Variants in PKN2 observed in about 807,000 individuals in gnomAD.
The protein encoded by PKN2 is serine/threonine-protein kinase N2.
A neutral mutation model predicts 119.1 loss-of-function variants in PKN2; 38 were observed. That is an observed-to-expected ratio of 0.32 (90% confidence interval 0.25 to 0.42). PKN2 has a LOEUF of 0.42. Among genes scored for constraint, PKN2 ranks in the 10% least tolerant of loss-of-function variants. The pLI is 1.00. For missense variants in PKN2, 850 were observed against 1,165.1 expected (o/e 0.73, Z 3.94); for synonymous variants, 390 against 384.9 (o/e 1.01, Z -0.15).
chr1:88,759,825 A>G (rs1669366367), intron 2 of PKN2, among the ~76,000 whole-genome samples: 2 of 152,212 alleles, frequency 1.3e-5, no homozygotes, highest in African/African-American at 4.8e-5. Context: ...AGGAAGAAAT[A>G]GAACCCCTGA....
chr1:88,701,293 A>C (rs1666759750), intron 1 of PKN2, among the ~76,000 whole-genome samples: 1 of 152,154 alleles, frequency 6.6e-6, no homozygotes, highest in Admixed American at 6.5e-5. Context: ...AAAATACAAA[A>C]ATTAGCCTGG....
intron 17 of PKN2, 115 bp downstream of exon 17, chr1:88,822,118 T>C (rs1184171528): frequency 3.1e-6 from 3 of 960,938 alleles, no homozygotes; most frequent in Non-Finnish European, 4.3e-6. Flanking sequence ...GTTTTCTCCT[T>C]CACCTGTAAG....
At chr1:88,740,550 G>C (rs1034118593) in intron 1 of PKN2, among the ~76,000 whole-genome samples, 2 of 152,014 alleles carry the variant, frequency 1.3e-5, no homozygotes, top group Non-Finnish European at 2.9e-5. Context: ...TACAATATTT[G>C]TGAATTATCA....
intron 1 of PKN2, among the ~76,000 whole-genome samples, chr1:88,701,361 G>A (rs797007190): frequency 1.3e-5 from 2 of 152,260 alleles, no homozygotes; most frequent in African/African-American, 4.8e-5. Flanking sequence ...TTTACAGCTT[G>A]AGAGCTATAC....
At chr1:88,724,038 A>G (rs893566839) in intron 1 of PKN2, among the ~76,000 whole-genome samples, 15 of 152,166 alleles carry the variant, frequency 9.9e-5, no homozygotes, top group African/African-American at 3.6e-4. Flanking sequence ...TTTGAGAGAG[A>G]AGGAGATACT....
intron 1 of PKN2, among the ~76,000 whole-genome samples, chr1:88,716,803 T>A (rs1667475683): frequency 6.6e-6 from 1 of 152,196 alleles, no homozygotes; most frequent in Admixed American, 6.5e-5. Flanking sequence ...CATTTAAGGT[T>A]AATATTGTTA....
chr1:88,781,516 A>G (rs926552688), intron 6 of PKN2, among the ~76,000 whole-genome samples: 1 of 152,056 alleles, frequency 6.6e-6, no homozygotes, highest in Non-Finnish European at 1.5e-5. Flanking sequence ...GAATACCAAC[A>G]TTTACTTCTT....
chr1:88,694,337 C>T (rs1233731159), intron 1 of PKN2, among the ~76,000 whole-genome samples: 1 of 152,156 alleles, frequency 6.6e-6, no homozygotes, highest in Non-Finnish European at 1.5e-5. Flanking sequence ...CATAGTTGTG[C>T]GTTTGGGAAA....
At chr1:88,732,882 G>A (rs974918726) in intron 1 of PKN2, among the ~76,000 whole-genome samples, 2 of 152,026 alleles carry the variant, frequency 1.3e-5, no homozygotes, top group Non-Finnish European at 2.9e-5. Flanking sequence ...TGTACCTAGA[G>A]GACACTAAGC....
At chr1:88,722,330 C>T (rs1042394908) in intron 1 of PKN2, among the ~76,000 whole-genome samples, 21 of 152,074 alleles carry the variant, frequency 1.4e-4, no homozygotes, top group African/African-American at 5.1e-4. Flanking sequence ...GACTGAAAGC[C>T]CTTTCCATAT....
intron 2 of PKN2, among the ~76,000 whole-genome samples, chr1:88,743,252 T>C (rs753454299): frequency 1.3e-5 from 2 of 152,178 alleles, no homozygotes; most frequent in Admixed American, 6.5e-5. Flanking sequence ...TTTAAGTACA[T>C]GATTTAATGA....
At chr1:88,759,627 T>C (rs951321235) in intron 2 of PKN2, among the ~76,000 whole-genome samples, 5 of 152,240 alleles carry the variant, frequency 3.3e-5, no homozygotes, top group African/African-American at 4.8e-5. Context: ...GTAGGTTGTC[T>C]GTTTACTCTG....
chr1:88,734,815 G>A (rs1557575078), intron 1 of PKN2, among the ~76,000 whole-genome samples: 1 of 152,078 alleles, frequency 6.6e-6, no homozygotes, highest in Non-Finnish European at 1.5e-5. Flanking sequence ...ATCTTAAAAT[G>A]AGATATTTGA....
At position 88,735,684 on chromosome 1, in the gene PKN2, TCTG is replaced by T. The variant is rs1406881525; in HGVS notation, c.49-5300_49-5298del. ...CTCACTCATCCTGACTTATAAGGTT[TCTG>T]CTGAGAAGTCTATTGCTAGACAGAT... On this transcript the variant is annotated intron_variant, in intron 1 of 21. Transcript: ENST00000370521. Among the ~76,000 whole-genome samples, 8 of 145,324 alleles carry T rather than the reference TCTG, an allele frequency of 5.5e-5. No individual in the cohort carries two copies. The South Asian group carries it at 6.6e-4, about 12-fold the overall frequency.
chr1:88,760,488 T>G, intron 3 of PKN2, 112 bp downstream of exon 3: 1 of 583,342 alleles, frequency 1.7e-6, no homozygotes, highest in Non-Finnish European at 3.0e-6. Flanking sequence ...TCAGTACTGG[T>G]GGCATGGCAC....
intron 1 of PKN2, among the ~76,000 whole-genome samples, chr1:88,707,490 CACAA>C (rs1667048809): frequency 6.6e-6 from 1 of 151,996 alleles, no homozygotes; most frequent in African/African-American, 2.4e-5. Flanking sequence ...TTTTTCTCAT[CACAA>C]ACAATGGTAT....
intron 8 of PKN2, among the ~76,000 whole-genome samples, chr1:88,787,484 G>C (rs1390475987): frequency 6.6e-6 from 1 of 152,164 alleles, no homozygotes; most frequent in Non-Finnish European, 1.5e-5. Context: ...TTCAGGACTG[G>C]TACTAGACCT....
intron 2 of PKN2, among the ~76,000 whole-genome samples, chr1:88,742,573 T>C (rs1391021607): frequency 6.6e-6 from 1 of 152,142 alleles, no homozygotes; most frequent in African/African-American, 2.4e-5. Flanking sequence ...AAAAGAACGC[T>C]TCAGCTCTTC....
intron 16 of PKN2, among the ~76,000 whole-genome samples, chr1:88,814,992 G>A (rs1023353028): frequency 5.9e-5 from 9 of 152,158 alleles, no homozygotes; most frequent in African/African-American, 2.2e-4. Flanking sequence ...TTCAGATGAG[G>A]GACATAGGGG....
Sources: allele counts gnomAD v4.1 joint callset (sites outside exome capture counted in the v4.1 genomes callset), GRCh38; gene constraint gnomAD v4.1.1; transcripts MANE v1.5; gene names NCBI Gene and HGNC (gene_info 2026-07-23, HGNC 2026-07-21).